KCNJ15: variants seen among roughly 807,000 people sequenced by gnomAD.
KCNJ15 encodes potassium inwardly rectifying channel subfamily J member 15, also known as ATP-sensitive inward rectifier potassium channel 15.
A neutral mutation model predicts 23.0 loss-of-function variants in KCNJ15; 14 were observed. The ratio of observed to expected loss-of-function variants is 0.61; its 90% confidence interval spans 0.40 to 0.95. KCNJ15 has a LOEUF of 0.95. Ranked by LOEUF, KCNJ15 falls within the 40% of genes least tolerant of loss-of-function variation. The pLI is 0.00. For synonymous variants in KCNJ15, 185 were observed against 183.2 expected, an observed-to-expected ratio of 1.01 and a Z score of -0.08; for missense variants, 388 against 461.8, an observed-to-expected ratio of 0.84 and a Z score of 1.46.
At chr21:38,290,821 G>A (rs8130736) in intron 1 of KCNJ15, among the ~76,000 whole-genome samples, 4,551 of 152,112 alleles carry the variant, frequency 0.03, 207 homozygotes, top group African/African-American at 0.1. Context: ...ATACCTACCC[G>A]TAAAATGGAC....
chr21:38,298,660 C>T (rs1223207916), intron 2 of KCNJ15, among the ~76,000 whole-genome samples: 1 of 152,160 alleles, frequency 6.6e-6, no homozygotes, highest in African/African-American at 2.4e-5. Context: ...TGCATTACTA[C>T]TGAGTTTTAA....
intron 1 of KCNJ15, among the ~76,000 whole-genome samples, chr21:38,232,927 G>T (rs947975021): frequency 6.6e-6 from 1 of 151,924 alleles, no homozygotes; most frequent in Non-Finnish European, 1.5e-5. Context: ...ATATTCTACT[G>T]TTTGTGGGCG....
chr21:38,248,517 G>T (rs555615517), intron 1 of KCNJ15, among the ~76,000 whole-genome samples: 1 of 152,326 alleles, frequency 6.6e-6, no homozygotes, highest in South Asian at 2.1e-4. Flanking sequence ...ACTCAGAAAA[G>T]CCTAGTACCT....
At chr21:38,269,998 T>C (rs879427545) in intron 1 of KCNJ15, among the ~76,000 whole-genome samples, 4 of 152,146 alleles carry the variant, frequency 2.6e-5, no homozygotes, top group Non-Finnish European at 5.9e-5. Context: ...CCCTGTTCAA[T>C]TGCTCCTGTA....
chr21:38,253,906 T>G (rs1980009325), upstream of KCNJ15, among the ~76,000 whole-genome samples: 2 of 152,192 alleles, frequency 1.3e-5, no homozygotes, highest in Non-Finnish European at 2.9e-5. Flanking sequence ...TAAACACAAC[T>G]TACTGAATAG....
intron 1 of KCNJ15, among the ~76,000 whole-genome samples, chr21:38,282,307 G>A (rs986848668): frequency 3.3e-5 from 5 of 152,118 alleles, no homozygotes; most frequent in Non-Finnish European, 4.4e-5. Context: ...AAACAGAGCC[G>A]AAAGGAATCT....
chr21:38,248,685 G>A (rs1209720006), intron 1 of KCNJ15, among the ~76,000 whole-genome samples: 1 of 152,202 alleles, frequency 6.6e-6, no homozygotes, highest in Non-Finnish European at 1.5e-5. Flanking sequence ...ATTCAAACAT[G>A]AGAGGAGATG....
chr21:38,259,338 G>A (rs1247495715), intron 1 of KCNJ15, among the ~76,000 whole-genome samples: 1 of 152,144 alleles, frequency 6.6e-6, no homozygotes, highest in African/African-American at 2.4e-5. Flanking sequence ...CTGTAAGCAT[G>A]ATAAAGCTGT....
At chr21:38,289,089 C>T (rs7278564) in intron 1 of KCNJ15, among the ~76,000 whole-genome samples, 100,633 of 150,626 alleles carry the variant, frequency 0.67, 34,124 homozygotes, top group South Asian at 0.75. Context: ...CCCAGCTCCT[C>T]GGGAGGTTGA....
chr21:38,270,639 C>T (rs1027555069), intron 1 of KCNJ15, among the ~76,000 whole-genome samples: 11 of 152,114 alleles, frequency 7.2e-5, no homozygotes, highest in Non-Finnish European at 1.5e-4. Context: ...CCCACTATAG[C>T]ATATTGCCTC....
In KCNJ15 at chr21:38,304,662, C is replaced by CTTTTTTTTTTTTT. The variant is rs543096995; in HGVS notation, c.*4292_*4304dup. 5.4e-3 allele frequency: 305 copies of CTTTTTTTTTTTTT among 56,044 alleles called. 53 individuals carry two copies. The highest frequency in any genetic ancestry group is 9.1e-3 in the Non-Finnish European group (255 of 28,108). 3.5% of individuals were successfully genotyped at this position (56,044 alleles called of 1,614,324 possible). Reference sequence around the variant, plus strand: ...TTACCCTTTGTAAACTTCAATTTATCTTTTTTTTTTTTTTTTTTTTTTTTT... The same window carrying CTTTTTTTTTTTTT: ...TTACCCTTTGTAAACTTCAATTTATCTTTTTTTTTTTTTTTTTTTTTTTTTTTTTTTTTTTTTT... On this transcript the variant is annotated 3_prime_UTR_variant, in exon 3 of 3. Transcript: ENST00000398938.
intron 2 of KCNJ15, among the ~76,000 whole-genome samples, chr21:38,298,903 C>A (rs1022271388): frequency 6.6e-6 from 1 of 152,170 alleles, no homozygotes; most frequent in African/African-American, 2.4e-5. Flanking sequence ...TGTTTTAACA[C>A]TTTACCTTGT....
chr21:38,290,618 G>T (rs540837243), intron 1 of KCNJ15, among the ~76,000 whole-genome samples: 1 of 152,072 alleles, frequency 6.6e-6, no homozygotes, highest in Non-Finnish European at 1.5e-5. Context: ...TTGAAGACAG[G>T]TTCTTGGGAA....
rs533515061 is a variant in KCNJ15, at chr21:38,280,834, A to G, written c.-116-16092A>G. On this transcript the variant is annotated intron_variant, in intron 1 of 2. Transcript: ENST00000398938. ...AGTCATGTGAGAGAAGCCAGCCTCA[A>G]TTAAGCCCCACGGCATTCACTGATG... 2.6e-4 allele frequency among the ~76,000 whole-genome samples: 40 copies of G among 152,288 alleles called. No individual in the cohort carries two copies. In the South Asian group the frequency reaches 3.1e-3, roughly 12 times the overall value.
At position 38,304,567 on chromosome 21, in the gene KCNJ15, C is replaced by T. The variant is rs939193244; in HGVS notation, c.*4178C>T. ...AAGAGGCTCTTAATTTTCTTCCTCCCAGGAGGACTTACTTACACTTAAAGG... is the reference window on the plus strand; with the variant it reads ...AAGAGGCTCTTAATTTTCTTCCTCCTAGGAGGACTTACTTACACTTAAAGG... On this transcript the variant is annotated 3_prime_UTR_variant, in exon 3 of 3. Transcript: ENST00000398938. The T allele has an allele frequency of 3.3e-5, 5 of 150,216 alleles. No individual in the cohort carries two copies. The highest frequency in any genetic ancestry group is 9.7e-5 in the African/African-American group (4 of 41,082). 9.3% of individuals were successfully genotyped at this position (150,216 alleles called of 1,614,324 possible).
intron 1 of KCNJ15, among the ~76,000 whole-genome samples, chr21:38,276,415 C>T (rs1982703491): frequency 6.6e-6 from 1 of 151,976 alleles, no homozygotes; most frequent in African/African-American, 2.4e-5. Flanking sequence ...AATTTCAGTA[C>T]TAAATTATGT....
chr21:38,278,922 G>T (rs1298721361), intron 1 of KCNJ15, among the ~76,000 whole-genome samples: 3 of 152,156 alleles, frequency 2.0e-5, no homozygotes, highest in Non-Finnish European at 4.4e-5. Context: ...GTGCTTTAGG[G>T]ACACCACTGA....
chr21:38,267,747 G>A (rs1363442674), intron 1 of KCNJ15, among the ~76,000 whole-genome samples: 1 of 152,234 alleles, frequency 6.6e-6, no homozygotes, highest in East Asian at 1.9e-4. Context: ...TTGGCTGGCA[G>A]AGCAGAGTTC....
intron 1 of KCNJ15, among the ~76,000 whole-genome samples, chr21:38,259,849 C>T (rs1263134002): frequency 1.3e-5 from 2 of 152,114 alleles, no homozygotes; most frequent in Non-Finnish European, 2.9e-5. Context: ...ACTGAACACA[C>T]CTGGCTCAGG....
Sources: gnomAD v4.1 joint callset for allele counts (sites outside exome capture counted in the v4.1 genomes callset) on GRCh38, gnomAD v4.1.1 for gene constraint, MANE v1.5 for transcripts, NCBI Gene and HGNC (gene_info 2026-07-23, HGNC 2026-07-21) for gene names.